The following MYCBP2 variants were observed in gnomAD, a reference collection of about 807,000 sequenced individuals.
The protein encoded by MYCBP2 is E3 ubiquitin-protein ligase MYCBP2.
In MYCBP2, 120 loss-of-function variants were observed where a neutral mutation model predicts 525.3. The ratio of observed to expected loss-of-function variants is 0.23; its 90% CI spans 0.20 to 0.27. The LOEUF is 0.27. Among genes scored for constraint, MYCBP2 ranks in the 10% least tolerant of loss-of-function variants. The probability of loss-of-function intolerance (pLI) is 1.00; values close to 1 mark genes in which losing one functional copy is unlikely to be tolerated. For missense variants in MYCBP2, 4,149 were observed against 5,657.1 expected (o/e 0.73, Z 8.55); for synonymous variants, 1,894 against 1,955.8 (o/e 0.97, Z 0.83).
In MYCBP2 at chr13:77,225,513, T is replaced by A; in HGVS notation, c.2779A>T (p.Thr927Ser). ...ERGEKDASKITTYPPGSVRFD... is the reference protein window; with the variant it reads ...ERGEKDASKISTYPPGSVRFD... ...CGCACAGAGCCTGGAGGGTATGTTG[T>A]GATTTTGCTTGCATCCTTTTCGCCT... The change falls in exon 19 of 83, where the codon ACA (threonine) becomes TCA (serine). Residue 927 changes from threonine (T) to serine (S), a missense_variant. Coordinates refer to ENST00000544440, the MANE Select transcript of MYCBP2 (RefSeq NM_015057.5). 6.2e-7 allele frequency: 1 copy of A among 1,613,700 alleles called. No individual in the cohort carries two copies. The highest frequency in any genetic ancestry group is 8.5e-7 in the Non-Finnish European group (1 of 1,179,698).
chr13:77,133,860 T>C (rs558049646), intron 52 of MYCBP2, among the ~76,000 whole-genome samples: 1 of 152,284 alleles, frequency 6.6e-6, no homozygotes, highest in African/African-American at 2.4e-5. Context: ...CTTATCACAA[T>C]GCAATTTAAT....
intron 52 of MYCBP2, among the ~76,000 whole-genome samples, chr13:77,133,086 GC>G (rs2053178077): frequency 6.6e-6 from 1 of 152,018 alleles, no homozygotes; most frequent in Non-Finnish European, 1.5e-5. Flanking sequence ...AGCTATAGTT[GC>G]TTCATCCTTT....
chr13:77,088,854 G>C lies in MYCBP2; in HGVS notation c.10703C>G (p.Ala3568Gly). The C allele has an allele frequency of 1.2e-6, 2 of 1,612,100 alleles. No individual in the cohort carries two copies. The highest frequency in any genetic ancestry group is 8.5e-7 in the Non-Finnish European group (1 of 1,178,738). ...IAMKQALRKS[A>G]CRVFAMEAFN... ...TACCTCCATAGCAAAAACTCGACAA[G>C]CAGATTTCCTTAGGGCCTGTTTCAT... Residue 3568 changes from alanine (A) to glycine (G), a missense_variant, in exon 61 of 83, where the codon GCT becomes GGT. Coordinates refer to ENST00000544440, the MANE Select transcript of MYCBP2 (RefSeq NM_015057.5).
chr13:77,206,923 TAGTC>T (rs1239590706), intron 23 of MYCBP2, 98 bp from the exon 24 acceptor site: 1 of 1,087,000 alleles, frequency 9.2e-7, no homozygotes, highest in African/African-American at 1.6e-5. Context: ...ATAAATAATA[TAGTC>T]AGCTTAAAGA....
At position 77,257,836 on chromosome 13, in the gene MYCBP2, G is replaced by C; in HGVS notation, c.2018-7C>G. On this transcript the variant is annotated splice_region_variant and splice_polypyrimidine_tract_variant and intron_variant, in intron 13 of 82. Transcript: ENST00000544440. ...TTCAAATCAGTTACCAAACCTATAGGAAAGAAACAAATTTAGTAAAAACAA... is the reference window on the plus strand; with the variant it reads ...TTCAAATCAGTTACCAAACCTATAGCAAAGAAACAAATTTAGTAAAAACAA... The C allele has an allele frequency of 6.3e-7, 1 of 1,594,886 alleles. No individual in the cohort carries two copies. The highest frequency in any genetic ancestry group is 1.1e-5 in the South Asian group (1 of 87,410).
intron 5 of MYCBP2, chr13:77,272,327 T>C (rs1459096143): frequency 2.0e-5 from 3 of 152,220 alleles, no homozygotes; most frequent in African/African-American, 7.2e-5. Context: ...TCTCACCTCA[T>C]ATCCTCTGGG....
chr13:77,304,791 A>G (rs940449781), intron 1 of MYCBP2, among the ~76,000 whole-genome samples: 2 of 152,082 alleles, frequency 1.3e-5, no homozygotes, highest in Non-Finnish European at 2.9e-5. Flanking sequence ...TGAAATAAAT[A>G]TAATAAACCT....
intron 39 of MYCBP2, among the ~76,000 whole-genome samples, chr13:77,169,191 G>A (rs9600827): frequency 0.039 from 5,931 of 152,162 alleles, 403 homozygotes; most frequent in African/African-American, 0.13. Context: ...GGCGGATCAC[G>A]AGGTCAGGAG....
At chr13:77,288,645 C>T (rs1284637404) in intron 2 of MYCBP2, among the ~76,000 whole-genome samples, 1 of 152,136 alleles carries the variant, frequency 6.6e-6, no homozygotes, top group Admixed American at 6.6e-5. Context: ...ATCGCCATGA[C>T]AGGAATAGAC....
chr13:77,091,917 TCTAA>T (rs1750600209), intron 59 of MYCBP2, among the ~76,000 whole-genome samples: 1 of 152,088 alleles, frequency 6.6e-6, no homozygotes, highest in South Asian at 2.1e-4. Context: ...CAAAACAGTT[TCTAA>T]CTCTTTTAAA....
At chr13:77,077,785 T>G (rs1033560385) in intron 66 of MYCBP2, 2 of 157,930 alleles carry the variant, frequency 1.3e-5, no homozygotes, top group African/African-American at 2.4e-5. Context: ...TCTTTTTTTG[T>G]GCATCCTCAC....
At chr13:77,092,149 G>A (rs570843664) in intron 59 of MYCBP2, among the ~76,000 whole-genome samples, 77 of 149,914 alleles carry the variant, frequency 5.1e-4, no homozygotes, top group African/African-American at 1.9e-3. Context: ...TATTATATTA[G>A]TTTATAATTA....
At chr13:77,152,252 T>C (rs1272326104) in intron 46 of MYCBP2, among the ~76,000 whole-genome samples, 1 of 152,228 alleles carries the variant, frequency 6.6e-6, no homozygotes, top group Non-Finnish European at 1.5e-5. Context: ...GTATTTGGAC[T>C]GACACAAACC....
At chr13:77,223,622 T>A (rs1167182088) in intron 20 of MYCBP2, among the ~76,000 whole-genome samples, 1 of 152,176 alleles carries the variant, frequency 6.6e-6, no homozygotes, top group African/African-American at 2.4e-5. Flanking sequence ...ATGAGGCAGT[T>A]CATGGTGTCA....
rs747233863 is a variant in MYCBP2 at position 77,121,543 on chromosome 13, C to A, written c.8018-48G>T. 10 of 1,420,254 alleles carry A rather than the reference C, an allele frequency of 7.0e-6. No individual in the cohort carries two copies. In the Admixed American group the frequency reaches 9.4e-5, roughly 13 times the overall value. 88.0% of individuals were successfully genotyped at this position (1,420,254 alleles called of 1,614,324 possible). A position where few individuals can be genotyped will look rare whatever the true frequency, so the allele number is the denominator to read the frequency against. ...AACATTAGTTTCTTACGTGCTATTC[C>A]CTATTCATACAACAAAGAGAGAAAA... On this transcript the variant is annotated intron_variant, in intron 54 of 82. Coordinates refer to ENST00000544440, the MANE Select transcript of MYCBP2 (RefSeq NM_015057.5).
intron 13 of MYCBP2, among the ~76,000 whole-genome samples, chr13:77,259,810 T>C (rs1018232952): frequency 1.3e-5 from 2 of 152,368 alleles, no homozygotes; most frequent in East Asian, 3.9e-4. Context: ...TCACTCATTA[T>C]ATTCATTTCT....
At chr13:77,194,628 T>A (rs993493707) in intron 26 of MYCBP2, among the ~76,000 whole-genome samples, 1 of 152,114 alleles carries the variant, frequency 6.6e-6, no homozygotes, top group Admixed American at 6.5e-5. Context: ...AGGTAGAATG[T>A]TGCTTCATCA....
intron 74 of MYCBP2, among the ~76,000 whole-genome samples, 194 bp downstream of exon 74, chr13:77,062,401 GT>G (rs1171332510): frequency 6.6e-6 from 1 of 152,122 alleles, no homozygotes; most frequent in Non-Finnish European, 1.5e-5. Context: ...AGCCCCTAAA[GT>G]TTCCATATAC....
At chr13:77,212,672 T>C (rs2064185455) in intron 21 of MYCBP2, among the ~76,000 whole-genome samples, 1 of 152,216 alleles carries the variant, frequency 6.6e-6, no homozygotes, top group Non-Finnish European at 1.5e-5. Context: ...TCACATGATA[T>C]GTCCCTAAAT....
Sources: gnomAD v4.1 joint callset for allele counts (sites outside exome capture counted in the v4.1 genomes callset) on GRCh38, gnomAD v4.1.1 for gene constraint, MANE v1.5 for transcripts, NCBI Gene and HGNC (gene_info 2026-07-23, HGNC 2026-07-21) for gene names.